CCSER2: variants seen among roughly 807,000 people sequenced by gnomAD.
The protein encoded by CCSER2 is coiled-coil serine rich protein 2, also known as serine-rich coiled-coil domain-containing protein 2.
In CCSER2, 46 loss-of-function variants were observed where a neutral mutation model predicts 92.3. That is an observed-to-expected ratio of 0.50 (90% CI 0.39 to 0.64). The LOEUF is 0.64. CCSER2 is among the 30% of genes least tolerant of loss of function. The pLI is 0.00. For synonymous variants in CCSER2, 433 were observed against 431.4 expected, an observed-to-expected ratio of 1.00 and a Z score of -0.04; for missense variants, 1,244 against 1,238.9, an observed-to-expected ratio of 1.00 and a Z score of -0.06.
chr10:84,348,304 C>T (rs1176700961), intron 1 of CCSER2, among the ~76,000 whole-genome samples: 2 of 152,222 alleles, frequency 1.3e-5, no homozygotes, highest in Non-Finnish European at 2.9e-5. Flanking sequence ...ATACGAAAAC[C>T]AGTCAGGCGT....
chr10:84,425,666 C>G (rs1051214709), intron 4 of CCSER2, 65 bp from the exon 5 acceptor site: 1 of 1,102,098 alleles, frequency 9.1e-7, no homozygotes, highest in Non-Finnish European at 1.2e-6. Context: ...AATTATCAAG[C>G]TATAAGAGTC....
Position 84,366,102 on chromosome 10 carries a change from A to G in CCSER2, c.-39-4912A>G, listed in dbSNP as rs977979842. ...ACCTCAGCATCCTTTTTGTTTTTTA[A>G]AAATTTTAATGTTAAATTTTTAGTA... On this transcript the variant is annotated intron_variant, in intron 1 of 9. Transcript: ENST00000372088. 2.0e-5 allele frequency among the ~76,000 whole-genome samples: 3 copies of G among 152,236 alleles called. No homozygotes were observed. In the East Asian group the frequency reaches 5.8e-4, roughly 29 times the overall value.
chr10:84,459,492 A>G (rs1388971208), intron 6 of CCSER2, among the ~76,000 whole-genome samples: 1 of 151,860 alleles, frequency 6.6e-6, no homozygotes, highest in Non-Finnish European at 1.5e-5. Context: ...ATATGATGTT[A>G]CTGGTAGGAT....
chr10:84,490,043 T>C (rs1480420696), intron 9 of CCSER2, among the ~76,000 whole-genome samples: 1 of 152,212 alleles, frequency 6.6e-6, no homozygotes, highest in Non-Finnish European at 1.5e-5. Context: ...AAAATTCTTT[T>C]CTTTAAGAAT....
chr10:84,483,164 G>T (rs563442336), intron 9 of CCSER2, among the ~76,000 whole-genome samples: 61 of 152,016 alleles, frequency 4.0e-4, no homozygotes, highest in African/African-American at 1.5e-3. Context: ...AGGCTGAGGC[G>T]GGTGGATCAC....
At chr10:84,492,087 G>T (rs1265080680) in intron 9 of CCSER2, among the ~76,000 whole-genome samples, 3 of 152,060 alleles carry the variant, frequency 2.0e-5, no homozygotes, top group Middle Eastern at 3.2e-3. Context: ...AGACCATCCT[G>T]GCTAACACAA....
At chr10:84,332,412 T>TATATATATATATA (rs1554828779) in intron 1 of CCSER2, among the ~76,000 whole-genome samples, 4 of 82,268 alleles carry the variant, frequency 4.9e-5, no homozygotes, top group African/African-American at 2.4e-4. Context: ...ATTTATTTTT[T>TATATATATATATA]TATATATATA....
intron 3 of CCSER2, chr10:84,389,507 G>T (rs114428517): frequency 1.1e-5 from 3 of 281,602 alleles, no homozygotes; most frequent in South Asian, 6.3e-5. Flanking sequence ...ATCCTTCGAG[G>T]TACTGGTTGC....
intron 5 of CCSER2, among the ~76,000 whole-genome samples, chr10:84,431,316 T>C (rs1843749452): frequency 6.6e-6 from 1 of 152,228 alleles, no homozygotes; most frequent in Non-Finnish European, 1.5e-5. Flanking sequence ...TTTTGCTGTT[T>C]CTACAGTTTT....
At position 84,463,971 on chromosome 10, in the gene CCSER2, A is replaced by G; in HGVS notation, c.2103A>G (p.Ser701=). ...GTTCATTGCATGATATTCAACTGTCATTGCCATCCAGTCCAGAACCAGAAG... is the reference window on the plus strand; with the variant it reads ...GTTCATTGCATGATATTCAACTGTCGTTGCCATCCAGTCCAGAACCAGAAG... ...GSGSLHDIQL[S]LPSSPEPEDG... Residue 701 remains serine (S), a synonymous_variant, in exon 7 of 10, where the codon TCA becomes TCG. Coordinates refer to ENST00000372088, the MANE Select transcript of CCSER2 (RefSeq NM_001284240.2). 1 of 1,612,050 alleles carries G rather than the reference A, an allele frequency of 6.2e-7. No homozygotes were observed.
chr10:84,439,093 A>G (rs967729060), intron 6 of CCSER2, among the ~76,000 whole-genome samples: 21 of 152,128 alleles, frequency 1.4e-4, no homozygotes, highest in Admixed American at 3.9e-4. Flanking sequence ...CAGCTAAGTG[A>G]CAAATAAGAA....
In CCSER2 at chr10:84,513,857, G is replaced by T; in HGVS notation, c.2734G>T (p.Gly912Cys). 6.5e-7 allele frequency: 1 copy of T among 1,536,262 alleles called. No homozygotes were observed. The highest frequency in any genetic ancestry group is 8.7e-7 in the Non-Finnish European group (1 of 1,146,936). The change falls in exon 10 of 10, where the codon GGT becomes TGT. Residue 912 changes from glycine to cysteine, a missense_variant. Coordinates refer to ENST00000372088, the MANE Select transcript of CCSER2 (RefSeq NM_001284240.2). ...RVGRNQSPPV[G>C]YMSQPKSLQL... Reference sequence around the variant, plus strand: ...TGGAAGAAATCAGTCTCCGCCAGTGGGTTATATGTCTCAGCCCAAGTCCTT... The same window carrying T: ...TGGAAGAAATCAGTCTCCGCCAGTGTGTTATATGTCTCAGCCCAAGTCCTT...
chr10:84,372,453 A>G lies in CCSER2; in HGVS notation c.1401A>G (p.Ile467Met), dbSNP rs1246519042. The change falls in exon 2 of 10, where the codon ATA becomes ATG. Residue 467 changes from isoleucine (I) to methionine (M), a missense_variant. Transcript: ENST00000372088. The part of the protein sequence containing the change: ...EKAFSKTDEW[I>M]DISVSDRSEC... ...CCTTCAGTAAAACTGATGAATGGAT[A>G]GATATAAGTGTCTCTGGTAAATATT... 2 of 1,566,250 alleles carry G rather than the reference A, an allele frequency of 1.3e-6. No individual in the cohort carries two copies. The highest frequency in any genetic ancestry group is 1.7e-6 in the Non-Finnish European group (2 of 1,161,600).
chr10:84,487,797 A>G (rs1032307748), intron 9 of CCSER2, among the ~76,000 whole-genome samples: 38 of 152,306 alleles, frequency 2.5e-4, no homozygotes, highest in African/African-American at 9.1e-4. Context: ...AATGGTGAGA[A>G]AGGGCATCCC....
intron 1 of CCSER2, among the ~76,000 whole-genome samples, chr10:84,368,776 C>T (rs1447220812): frequency 6.6e-6 from 1 of 151,926 alleles, no homozygotes; most frequent in Non-Finnish European, 1.5e-5. Context: ...CACGTGCCAC[C>T]CGAATAGTAT....
intron 5 of CCSER2, among the ~76,000 whole-genome samples, chr10:84,428,402 C>G (rs776792535): frequency 2.0e-4 from 30 of 152,174 alleles, no homozygotes; most frequent in Admixed American, 3.3e-4. Flanking sequence ...AGGTGGAGCT[C>G]CTGTCAGATA....
rs746979429 is a variant in CCSER2 at position 84,372,315 on chromosome 10, A to G, written c.1263A>G (p.Ile421Met). 57 of 1,612,320 alleles carry G rather than the reference A, an allele frequency of 3.5e-5. No homozygotes were observed. Among genetic ancestry groups the G allele is most frequent in the Non-Finnish European group, 4.8e-5 (56 of 1,178,948 alleles). Residue 421 changes from isoleucine (I) to methionine (M), a missense_variant, in exon 2 of 10, where the codon ATA (isoleucine) becomes ATG (methionine). Coordinates refer to ENST00000372088, the MANE Select transcript of CCSER2 (RefSeq NM_001284240.2). ...SEDFSDDFIDIEDSNRTRITP... is the reference protein window; with the variant it reads ...SEDFSDDFIDMEDSNRTRITP... ...ACTTTAGTGATGATTTTATAGATATAGAAGACTCCAACAGAACTAGAATAA... is the reference window on the plus strand; with the variant it reads ...ACTTTAGTGATGATTTTATAGATATGGAAGACTCCAACAGAACTAGAATAA...
At chr10:84,402,766 A>G (rs1436233704) in intron 3 of CCSER2, among the ~76,000 whole-genome samples, 1 of 152,194 alleles carries the variant, frequency 6.6e-6, no homozygotes, top group Non-Finnish European at 1.5e-5. Context: ...CTCTTATTCA[A>G]TGTAGTTAAT....
chr10:84,482,034 A>G (rs1025624846), intron 9 of CCSER2, among the ~76,000 whole-genome samples: 2 of 152,204 alleles, frequency 1.3e-5, no homozygotes, highest in African/African-American at 4.8e-5. Context: ...ATTTTGGACA[A>G]AGCAGCCCTG....
Sources: allele counts gnomAD v4.1 joint callset (sites outside exome capture counted in the v4.1 genomes callset), GRCh38; gene constraint gnomAD v4.1.1; transcripts MANE v1.5; gene names NCBI Gene and HGNC (gene_info 2026-07-23, HGNC 2026-07-21).